MYRFL: variants seen among roughly 807,000 people sequenced by gnomAD.
The protein encoded by MYRFL is myelin regulatory factor-like protein.
MYRFL carries 88 observed loss-of-function variants against 109.4 expected under a neutral mutation model. The ratio of observed to expected loss-of-function variants is 0.80; its 90% CI spans 0.68 to 0.96. The LOEUF (loss-of-function observed/expected upper bound fraction) is 0.96. Among genes scored for constraint, MYRFL ranks in the 40% least tolerant of loss-of-function variants. The probability of loss-of-function intolerance (pLI) is 0.00; values close to 1 mark genes in which losing one functional copy is unlikely to be tolerated. For missense variants in MYRFL, 957 were observed against 954.9 expected, an observed-to-expected ratio of 1.00 and a Z score of -0.03; for synonymous variants, 324 against 320.9, an observed-to-expected ratio of 1.01 and a Z score of -0.10.
At chr12:69,938,628 T>C (rs986750433) in intron 19 of MYRFL, among the ~76,000 whole-genome samples, 1 of 152,208 alleles carries the variant, frequency 6.6e-6, no homozygotes, top group African/African-American at 2.4e-5. Context: ...TATTTGCACT[T>C]TAGTTTTTAA....
At chr12:69,950,788 G>A (rs1002297375) in intron 19 of MYRFL, among the ~76,000 whole-genome samples, 28 of 152,070 alleles carry the variant, frequency 1.8e-4, no homozygotes, top group Admixed American at 5.9e-4. Context: ...TTACATTAGC[G>A]TGTGTGATTC....
intron 2 of MYRFL, among the ~76,000 whole-genome samples, chr12:69,873,811 T>C (rs1387636420): frequency 6.6e-6 from 1 of 151,546 alleles, no homozygotes; most frequent in Non-Finnish European, 1.5e-5. Flanking sequence ...ACTATATCTG[T>C]AGTTAAGTCT....
At chr12:69,927,147 G>A (rs1267160500) in intron 14 of MYRFL, among the ~76,000 whole-genome samples, 1 of 151,668 alleles carries the variant, frequency 6.6e-6, no homozygotes, top group South Asian at 2.1e-4. Context: ...GTTTGACCAT[G>A]TTGGCCAGGC....
At chr12:69,922,877 A>T (rs1370248343) in intron 13 of MYRFL, among the ~76,000 whole-genome samples, 1 of 152,204 alleles carries the variant, frequency 6.6e-6, no homozygotes, top group Non-Finnish European at 1.5e-5. Flanking sequence ...AGGTGTTGGA[A>T]AACAGTGATA....
At chr12:69,844,728 C>T (rs892501867) in intron 1 of MYRFL, among the ~76,000 whole-genome samples, 3 of 152,156 alleles carry the variant, frequency 2.0e-5, no homozygotes, top group African/African-American at 4.8e-5. Flanking sequence ...TATTGATGGA[C>T]ACCTCCTAGG....
rs1433302370 is a variant in MYRFL, at chr12:69,923,681, G to A, written c.1603-2890G>A. Among the ~76,000 whole-genome samples, 5 of 151,432 alleles carry A rather than the reference G, an allele frequency of 3.3e-5. No homozygotes were observed. The East Asian group carries it at 9.7e-4, about 29-fold the overall frequency. ...AAAGCTTAAGATTCCCTTGCTGGTT[G>A]ATTTTTTTTTTAAATTTTTATTTTT... On this transcript the variant is annotated intron_variant, in intron 13 of 24. Coordinates refer to ENST00000552032, the MANE Select transcript of MYRFL (RefSeq NM_182530.3).
chr12:69,898,895 A>G (rs939957130), intron 10 of MYRFL, among the ~76,000 whole-genome samples: 1 of 135,542 alleles, frequency 7.4e-6, no homozygotes, highest in Non-Finnish European at 1.7e-5. Flanking sequence ...CATTCTGTTT[A>G]CCAAAAACTC....
chr12:69,950,991 A>C (rs1955959608), intron 19 of MYRFL, among the ~76,000 whole-genome samples: 1 of 152,242 alleles, frequency 6.6e-6, no homozygotes, highest in African/African-American at 2.4e-5. Context: ...AAAGAATATT[A>C]GTAGACATTC....
At chr12:69,923,378 T>C (rs1164991914) in intron 13 of MYRFL, among the ~76,000 whole-genome samples, 1 of 152,194 alleles carries the variant, frequency 6.6e-6, no homozygotes, top group Admixed American at 6.5e-5. Context: ...AGGTGGGAAG[T>C]TTTTTTCCAG....
At position 69,840,042 on chromosome 12, in the gene MYRFL, C is replaced by T. The variant is rs1347939021; in HGVS notation, c.46+14479C>T. On this transcript the variant is annotated intron_variant, in intron 1 of 24. Transcript: ENST00000552032. ...AAGACCCATGTCTTTGTCATCTATT[C>T]ATTCATAAGCCAAATTTCCCCATAT... Among the ~76,000 whole-genome samples the T allele has an allele frequency of 2.0e-5, 3 of 152,326 alleles. No individual in the cohort carries two copies. The East Asian group carries it at 5.8e-4, about 29-fold the overall frequency.
intron 2 of MYRFL, among the ~76,000 whole-genome samples, chr12:69,874,114 A>C (rs1247596947): frequency 6.6e-6 from 1 of 152,230 alleles, no homozygotes; most frequent in African/African-American, 2.4e-5. Context: ...ACCTATGTGC[A>C]TTATAAACTT....
intron 10 of MYRFL, 91 bp downstream of exon 10, chr12:69,897,337 T>C: frequency 1.1e-6 from 1 of 891,034 alleles, no homozygotes; most frequent in South Asian, 1.4e-5. Context: ...TTGAATATGC[T>C]ATTTCGATGA....
chr12:69,944,580 G>T (rs1182391370), intron 19 of MYRFL, among the ~76,000 whole-genome samples: 1 of 150,916 alleles, frequency 6.6e-6, no homozygotes, highest in African/African-American at 2.4e-5. Flanking sequence ...ATATACCTAA[G>T]GCTAGATGAC....
chr12:69,938,735 T>G (rs1009394548), intron 19 of MYRFL, among the ~76,000 whole-genome samples: 1 of 152,172 alleles, frequency 6.6e-6, no homozygotes, highest in Admixed American at 6.5e-5. Context: ...GCTCCCAGCC[T>G]GAGCGATGCA....
chr12:69,947,205 CAAAA>C (rs879491766), intron 19 of MYRFL: 1 of 151,576 alleles, frequency 6.6e-6, no homozygotes, highest in Admixed American at 6.6e-5. Context: ...TCAAGAGTAA[CAAAA>C]AAAACTTAGA....
intron 21 of MYRFL, among the ~76,000 whole-genome samples, chr12:69,953,764 G>GACACACACAC (rs143170206): frequency 0.13 from 18,861 of 144,112 alleles, 1,527 homozygotes; most frequent in Middle Eastern, 0.19. Context: ...GTGCAACCCG[G>GACACACACAC]ACACACACAC....
At chr12:69,943,351 C>T (rs1955725813) in intron 19 of MYRFL, among the ~76,000 whole-genome samples, 2 of 148,346 alleles carry the variant, frequency 1.3e-5, no homozygotes. Context: ...ATCAATGGAA[C>T]AGAACAGAGC....
chr12:69,868,263 T>G (rs1040217847), intron 2 of MYRFL, among the ~76,000 whole-genome samples: 6 of 152,062 alleles, frequency 3.9e-5, no homozygotes, highest in African/African-American at 1.4e-4. Flanking sequence ...TGCGTCGCCA[T>G]GCCTGGCTAA....
chr12:69,955,512 T>G (rs1314412475), intron 22 of MYRFL, 75 bp downstream of exon 22: 10 of 555,310 alleles, frequency 1.8e-5, no homozygotes, highest in Non-Finnish European at 2.2e-5. Context: ...ACTTCACAAT[T>G]TGGTCAGTCG....
Sources: allele counts gnomAD v4.1 joint callset (sites outside exome capture counted in the v4.1 genomes callset), GRCh38; gene constraint gnomAD v4.1.1; transcripts MANE v1.5; gene names NCBI Gene and HGNC (gene_info 2026-07-23, HGNC 2026-07-21).